POLH: variants seen among roughly 807,000 people sequenced by gnomAD.
POLH encodes DNA polymerase eta transcript.
In POLH, 53 loss-of-function variants were observed where a neutral mutation model predicts 73.6. The ratio of observed to expected loss-of-function variants is 0.72; its 90% CI spans 0.58 to 0.91. The LOEUF (loss-of-function observed/expected upper bound fraction) is 0.91. Among genes scored for constraint, POLH ranks in the 40% least tolerant of loss-of-function variants. The probability of loss-of-function intolerance (pLI) is 0.00; values close to 1 mark genes in which losing one functional copy is unlikely to be tolerated. For missense variants in POLH, 768 were observed against 865.4 expected, an observed-to-expected ratio of 0.89 and a Z score of 1.41; for synonymous variants, 292 against 308.5, an observed-to-expected ratio of 0.95 and a Z score of 0.56.
intron 4 of POLH, among the ~76,000 whole-genome samples, chr6:43,589,039 C>T (rs1273050727): frequency 2.6e-5 from 4 of 151,560 alleles, no homozygotes; most frequent in African/African-American, 4.9e-5. Context: ...AGGGTTTCAC[C>T]GTGTTAGCCA....
chr6:43,581,013 CG>C (rs1764113635), intron 1 of POLH, among the ~76,000 whole-genome samples: 2 of 147,124 alleles, frequency 1.4e-5, no homozygotes, highest in African/African-American at 5.0e-5. Flanking sequence ...ACCTCCCTCC[CG>C]GACGGGGTGG....
chr6:43,610,460 C>A, intron 9 of POLH, 94 bp from the exon 10 acceptor site: 2 of 996,188 alleles, frequency 2.0e-6, no homozygotes, highest in East Asian at 2.4e-5. Context: ...CATTGTCACC[C>A]TGGTTCTTTT....
Position 43,616,454 on chromosome 6 carries a change from T to G in POLH, c.*1897T>G, listed in dbSNP as rs1478525313. Among the ~76,000 whole-genome samples, 1 of 151,558 alleles carries G rather than the reference T, an allele frequency of 6.6e-6. No individual in the cohort carries two copies. The highest frequency in any genetic ancestry group is 1.5e-5 in the Non-Finnish European group (1 of 67,894). On this transcript the variant is annotated 3_prime_UTR_variant, in exon 11 of 11. Transcript: ENST00000372236. ...ACTAAAAAAAATTAGCTGGGCTTGG[T>G]GGCAGGCGCCTGTAATCCCAGGTAC... is the stretch of plus-strand genomic sequence containing the variant.
rs60046548 is a variant in POLH at position 43,619,364 on chromosome 6, C to CAAAAAA, written c.*4832_*4837dup. Among the ~76,000 whole-genome samples, 2 of 37,084 alleles carry CAAAAAA rather than the reference C, an allele frequency of 5.4e-5. No individual in the cohort carries two copies. The highest frequency in any genetic ancestry group is 7.5e-5 in the Non-Finnish European group (1 of 13,406). The allele number at this position is 37,084 out of a possible 152,430, so 24.3% of individuals were successfully genotyped here. A position where few individuals can be genotyped will look rare whatever the true frequency, so the allele number is the denominator to read the frequency against. On this transcript the variant is annotated 3_prime_UTR_variant, in exon 11 of 11. Transcript: ENST00000372236. ...TGGGTGACAGTCTGAGACCCTGTCT[C>CAAAAAA]AAAAAAAAAAAAAAAAAAAAAAAAA...
Position 43,601,041 on chromosome 6 carries a change from T to A in POLH, c.714T>A (p.Val238=). 4.3e-6 allele frequency: 7 copies of A among 1,614,112 alleles called. No individual in the cohort carries two copies. In the South Asian group the frequency reaches 7.7e-5, roughly 18 times the overall value. The change falls in exon 6 of 11, where the codon GTT becomes GTA. Residue 238 remains valine, a synonymous_variant. Transcript: ENST00000372236. ...ACAAGCCCAACCGCCAAACCCTGGT[T>A]TCACATGGGTCAGTCCCACAGCTCT... is the stretch of plus-strand genomic sequence containing the variant. The part of the protein sequence containing the change: ...GLNKPNRQTL[V]SHGSVPQLFS...
At chr6:43,580,648 G>A (rs1582265696) in intron 1 of POLH, among the ~76,000 whole-genome samples, 3 of 134,248 alleles carry the variant, frequency 2.2e-5, no homozygotes, top group Admixed American at 7.0e-5. Context: ...CGGACGGGGC[G>A]GCTGGCCGGG....
intron 3 of POLH, among the ~76,000 whole-genome samples, chr6:43,585,965 G>T: frequency 6.6e-6 from 1 of 150,604 alleles, no homozygotes. Context: ...TTTCTTTGAG[G>T]CCTATCCTCT....
At chr6:43,593,315 C>T (rs1034653268) in intron 4 of POLH, among the ~76,000 whole-genome samples, 1 of 152,152 alleles carries the variant, frequency 6.6e-6, no homozygotes, top group African/African-American at 2.4e-5. Context: ...TCCAAAATCC[C>T]ACAGAAATTG....
rs902923972 is a variant in POLH, at chr6:43,615,536, C to T, written c.*979C>T. On this transcript the variant is annotated 3_prime_UTR_variant, in exon 11 of 11. Coordinates refer to ENST00000372236, the MANE Select transcript of POLH (RefSeq NM_006502.3). ...CGCCACCGCACTCCAGCCTGGGCAA[C>T]AGAGCGAGACTCCATCTCAAACAAA... 2.6e-5 allele frequency: 4 copies of T among 151,242 alleles called. No individual in the cohort carries two copies. The highest frequency in any genetic ancestry group is 3.9e-4 in the East Asian group (2 of 5,118). 9.4% of individuals were successfully genotyped at this position (151,242 alleles called of 1,614,324 possible). A position where few individuals can be genotyped will look rare whatever the true frequency, so the allele number is the denominator to read the frequency against.
intron 10 of POLH, among the ~76,000 whole-genome samples, chr6:43,612,328 C>CCT (rs1561914072): frequency 1.3e-5 from 2 of 151,462 alleles, no homozygotes; most frequent in African/African-American, 2.4e-5. Context: ...AAGCATGAAA[C>CCT]CTGAGGATAT....
chr6:43,600,709 A>G (rs1184195941), intron 5 of POLH, among the ~76,000 whole-genome samples: 2 of 152,168 alleles, frequency 1.3e-5, no homozygotes, highest in African/African-American at 4.8e-5. Context: ...TGAAGTAGGA[A>G]TAGATGGGAA....
chr6:43,579,155 G>C (rs1763731113), intron 1 of POLH, among the ~76,000 whole-genome samples: 1 of 141,944 alleles, frequency 7.0e-6, no homozygotes, highest in South Asian at 2.1e-4. Context: ...TCAGAAAACA[G>C]AATCTCTCTC....
At chr6:43,589,154 A>G (rs1765171365) in intron 4 of POLH, among the ~76,000 whole-genome samples, 1 of 151,760 alleles carries the variant, frequency 6.6e-6, no homozygotes, top group Non-Finnish European at 1.5e-5. Flanking sequence ...CTTTTTCTTA[A>G]TTTTCCTTCA....
At chr6:43,576,590 A>C (rs1763367598) in intron 1 of POLH, 150 bp downstream of exon 1, 1 of 152,222 alleles carries the variant, frequency 6.6e-6, no homozygotes, top group Non-Finnish European at 1.5e-5. Context: ...CTGTCTTCTA[A>C]GATTTTTCTT....
At chr6:43,596,142 C>T (rs965268732) in intron 4 of POLH, among the ~76,000 whole-genome samples, 2 of 152,074 alleles carry the variant, frequency 1.3e-5, no homozygotes, top group Admixed American at 6.6e-5. Context: ...TTGCCATAAG[C>T]CCTAAAGTAT....
rs538290285 is a variant in POLH, at chr6:43,616,431, T to TA, written c.*1882dup. Among the ~76,000 whole-genome samples the TA allele has an allele frequency of 1.7e-3, 236 of 141,438 alleles. 1 individual carries two copies. The highest frequency in any genetic ancestry group is 5.7e-3 in the African/African-American group (218 of 38,178). The allele number at this position is 141,438 out of a possible 152,430, so 92.8% of individuals were successfully genotyped here. ...CAAGGTGGCAAAACCCCGTCTCTAC[T>TA]AAAAAAAATTAGCTGGGCTTGGTGG... On this transcript the variant is annotated 3_prime_UTR_variant, in exon 11 of 11. Coordinates refer to ENST00000372236, the MANE Select transcript of POLH (RefSeq NM_006502.3).
At position 43,614,484 on chromosome 6, in the gene POLH, C is replaced by T; in HGVS notation, c.2069C>T (p.Ala690Val). The change falls in exon 11 of 11, where the codon GCC becomes GTC. Residue 690 changes from alanine (A) to valine (V), a missense_variant. Coordinates refer to ENST00000372236, the MANE Select transcript of POLH (RefSeq NM_006502.3). ...AAAAGAAATCCCAAGAGCCCTTTGG[C>T]CTGCACTAATAAACGCCCCAGGCCT... is the stretch of plus-strand genomic sequence containing the variant. ...QGKRNPKSPL[A>V]CTNKRPRPEG... is the part of the protein sequence containing the mutation. 6.2e-7 allele frequency: 1 copy of T among 1,614,100 alleles called. No homozygotes were observed. Among genetic ancestry groups the T allele is most frequent in the Non-Finnish European group, 8.5e-7 (1 of 1,180,010 alleles).
At chr6:43,600,556 G>A (rs980541089) in intron 5 of POLH, among the ~76,000 whole-genome samples, 13 of 152,182 alleles carry the variant, frequency 8.5e-5, no homozygotes, top group African/African-American at 3.1e-4. Flanking sequence ...GTGTTAAATT[G>A]GGGACTCAAA....
At chr6:43,588,338 A>G (rs1765065960) in intron 4 of POLH, 1 of 152,102 alleles carries the variant, frequency 6.6e-6, no homozygotes, top group Admixed American at 6.6e-5. Flanking sequence ...GATATATCTT[A>G]GATGTCTGTC....
Sources: allele counts gnomAD v4.1 joint callset (sites outside exome capture counted in the v4.1 genomes callset), GRCh38; gene constraint gnomAD v4.1.1; transcripts MANE v1.5; gene names NCBI Gene and HGNC (gene_info 2026-07-23, HGNC 2026-07-21).